SGCZ: variants seen among roughly 807,000 people sequenced by gnomAD.
SGCZ encodes the protein zeta-sarcoglycan.
A neutral mutation model predicts 41.3 loss-of-function variants in SGCZ; 40 were observed. The observed-to-expected ratio is 0.97, with a 90% CI of 0.75 to 1.26. The LOEUF is 1.26. Among genes scored for constraint, SGCZ ranks in the 50% most tolerant of loss-of-function variants. SGCZ has a pLI of 0.00. For synonymous variants in SGCZ, 206 were observed against 137.5 expected (o/e 1.50, Z -3.49); for missense variants, 552 against 369.8 (o/e 1.49, Z -4.04).
chr8:14,109,893 T>G (rs1221492335), intron 5 of SGCZ, among the ~76,000 whole-genome samples: 1 of 152,178 alleles, frequency 6.6e-6, no homozygotes, highest in Non-Finnish European at 1.5e-5. Flanking sequence ...GATTTCTGTT[T>G]ATAAGCTAAA....
chr8:14,198,677 T>G (rs1185856169), intron 4 of SGCZ, among the ~76,000 whole-genome samples: 1 of 152,140 alleles, frequency 6.6e-6, no homozygotes, highest in African/African-American at 2.4e-5. Flanking sequence ...CTGCTAATAT[T>G]CTGTTGCGTG....
chr8:15,060,485 T>C (rs1026066244), intron 1 of SGCZ, among the ~76,000 whole-genome samples: 21 of 112,572 alleles, frequency 1.9e-4, no homozygotes, highest in Admixed American at 6.8e-4. Flanking sequence ...CACTTGGACA[T>C]AGGAAGGGGA....
intron 1 of SGCZ, among the ~76,000 whole-genome samples, chr8:15,157,571 T>C (rs1387864231): frequency 6.6e-6 from 1 of 152,172 alleles, no homozygotes; most frequent in Non-Finnish European, 1.5e-5. Flanking sequence ...CTTGTAATAC[T>C]CAGGACCAGG....
At chr8:14,345,747 A>G (rs1395280952) in intron 2 of SGCZ, among the ~76,000 whole-genome samples, 1 of 152,158 alleles carries the variant, frequency 6.6e-6, no homozygotes, top group Non-Finnish European at 1.5e-5. Flanking sequence ...CCAAAGTTTA[A>G]TATCATTGAC....
At chr8:14,340,350 C>A (rs1802658706) in intron 2 of SGCZ, among the ~76,000 whole-genome samples, 1 of 152,110 alleles carries the variant, frequency 6.6e-6, no homozygotes, top group Admixed American at 6.6e-5. Flanking sequence ...CCAATTACAG[C>A]AACAGTTTTA....
intron 3 of SGCZ, among the ~76,000 whole-genome samples, chr8:14,246,042 T>G (rs1799075364): frequency 6.6e-6 from 1 of 152,150 alleles, no homozygotes; most frequent in South Asian, 2.1e-4. Flanking sequence ...AGTGTGGCGA[T>G]TCCTCAGGGA....
At chr8:14,987,735 C>T (rs1002187142) in intron 1 of SGCZ, among the ~76,000 whole-genome samples, 1 of 152,068 alleles carries the variant, frequency 6.6e-6, no homozygotes, top group Admixed American at 6.6e-5. Flanking sequence ...TAAATCTAAA[C>T]CATTTACACT....
At chr8:14,320,864 C>G (rs1011960831) in intron 3 of SGCZ, among the ~76,000 whole-genome samples, 11 of 152,014 alleles carry the variant, frequency 7.2e-5, no homozygotes, top group Non-Finnish European at 1.5e-4. Context: ...TTTAGTTCGT[C>G]TCAGATAAGA....
chr8:14,443,783 A>C (rs1270846757), intron 2 of SGCZ, among the ~76,000 whole-genome samples: 1 of 152,078 alleles, frequency 6.6e-6, no homozygotes, highest in Non-Finnish European at 1.5e-5. Context: ...ACCAAAAGCC[A>C]TGGCAACAAA....
intron 1 of SGCZ, among the ~76,000 whole-genome samples, chr8:14,734,573 T>A (rs996861657): frequency 3.3e-5 from 5 of 152,120 alleles, no homozygotes; most frequent in African/African-American, 1.2e-4. Flanking sequence ...GCTTCACGTA[T>A]GTATAGAATA....
intron 1 of SGCZ, among the ~76,000 whole-genome samples, chr8:14,857,523 C>T (rs971358510): frequency 6.6e-6 from 1 of 152,056 alleles, no homozygotes; most frequent in Non-Finnish European, 1.5e-5. Flanking sequence ...GTTCACAGGG[C>T]GTTAAGCTTT....
At chr8:14,685,435 C>T (rs1019904610) in intron 1 of SGCZ, among the ~76,000 whole-genome samples, 2 of 152,004 alleles carry the variant, frequency 1.3e-5, no homozygotes, top group Non-Finnish European at 2.9e-5. Flanking sequence ...AAATTAACAA[C>T]ATTCAAACTT....
chr8:14,494,952 C>A (rs1199201614), intron 2 of SGCZ, among the ~76,000 whole-genome samples: 1 of 152,066 alleles, frequency 6.6e-6, no homozygotes, highest in African/African-American at 2.4e-5. Context: ...TCACTTTTTC[C>A]CATTGAATTT....
intron 1 of SGCZ, among the ~76,000 whole-genome samples, chr8:14,730,275 G>GA (rs558946455): frequency 8.9e-4 from 136 of 152,084 alleles, no homozygotes; most frequent in African/African-American, 3.2e-3. Flanking sequence ...ATTCATTTGA[G>GA]AAAAAATATA....
At chr8:14,101,790 G>A (rs1563126837) in intron 7 of SGCZ, among the ~76,000 whole-genome samples, 2 of 150,482 alleles carry the variant, frequency 1.3e-5, no homozygotes, top group Non-Finnish European at 1.5e-5. Flanking sequence ...AAAAAAAAAA[G>A]GACTGTCGTT....
At chr8:14,709,571 A>T (rs1233826296) in intron 1 of SGCZ, among the ~76,000 whole-genome samples, 1 of 152,222 alleles carries the variant, frequency 6.6e-6, no homozygotes, top group Non-Finnish European at 1.5e-5. Context: ...CGGCATAAGC[A>T]GGAATGCAAA....
At chr8:14,774,834 C>T (rs886526884) in intron 1 of SGCZ, among the ~76,000 whole-genome samples, 1 of 152,126 alleles carries the variant, frequency 6.6e-6, no homozygotes, top group Non-Finnish European at 1.5e-5. Context: ...AGCTGTTTTG[C>T]TTCCTAATTA....
intron 1 of SGCZ, among the ~76,000 whole-genome samples, chr8:14,934,025 C>T (rs1292969969): frequency 7.2e-5 from 11 of 151,856 alleles, no homozygotes; most frequent in Non-Finnish European, 1.3e-4. Context: ...TCTCAATTAT[C>T]AGAATTTTCC....
intron 4 of SGCZ, among the ~76,000 whole-genome samples, chr8:14,208,678 T>C (rs1225086492): frequency 6.6e-6 from 1 of 152,104 alleles, no homozygotes; most frequent in Non-Finnish European, 1.5e-5. Context: ...AAACACTTAA[T>C]TATACAGTTA....
Sources: allele counts gnomAD v4.1 joint callset (sites outside exome capture counted in the v4.1 genomes callset), GRCh38; gene constraint gnomAD v4.1.1; transcripts MANE v1.5; gene names NCBI Gene and HGNC (gene_info 2026-07-23, HGNC 2026-07-21).